Variants in UACA observed in about 807,000 individuals in gnomAD.
UACA encodes uveal autoantigen with coiled-coil domains and ankyrin repeats.
A neutral mutation model predicts 160.5 loss-of-function variants in UACA; 112 were observed. That is an observed-to-expected ratio of 0.70 (90% CI 0.60 to 0.82). The LOEUF (loss-of-function observed/expected upper bound fraction) is 0.82, where lower values mean the gene tolerates loss of function less well. UACA is among the 40% of genes least tolerant of loss of function. The probability of loss-of-function intolerance (pLI) is 0.00; values close to 1 mark genes in which losing one functional copy is unlikely to be tolerated. For synonymous variants in UACA, 557 were observed against 568.4 expected (o/e 0.98, Z 0.29); for missense variants, 1,574 against 1,614.6 (o/e 0.97, Z 0.43).
intron 7 of UACA, among the ~76,000 whole-genome samples, chr15:70,685,554 G>T (rs1897681692): frequency 2.6e-5 from 4 of 151,682 alleles, no homozygotes; most frequent in Admixed American, 2.6e-4. Context: ...ATATAAAACA[G>T]GAAAAAAAGA....
chr15:70,715,545 T>C (rs1898797783), intron 1 of UACA, among the ~76,000 whole-genome samples: 1 of 152,160 alleles, frequency 6.6e-6, no homozygotes, highest in Admixed American at 6.5e-5. Flanking sequence ...AAAATGGGAA[T>C]TATAAGGTTA....
Position 70,717,421 on chromosome 15 carries a change from A to G in UACA, c.79-17761T>C, listed in dbSNP as rs755630814. On this transcript the variant is annotated intron_variant, in intron 1 of 18. Transcript: ENST00000322954. ...GTAAGTATTTTAGACTTTGCAGGCC[A>G]TGTGGTTTCTGTTTTAACTATTCAA... is the stretch of plus-strand genomic sequence containing the variant. 1.2e-4 allele frequency among the ~76,000 whole-genome samples: 19 copies of G among 152,178 alleles called. 1 individual carries two copies. Among genetic ancestry groups the G allele is most frequent in the Non-Finnish European group, 2.6e-4 (18 of 68,042 alleles).
intron 1 of UACA, among the ~76,000 whole-genome samples, chr15:70,750,714 A>G (rs1385142183): frequency 6.6e-6 from 1 of 152,150 alleles, no homozygotes; most frequent in East Asian, 1.9e-4. Flanking sequence ...TACAAAAAAT[A>G]AACAAAATTA....
chr15:70,669,441 C>G lies in UACA; in HGVS notation c.1243G>C (p.Ala415Pro). The G allele has an allele frequency of 6.3e-7, 1 of 1,584,428 alleles. No homozygotes were observed. Residue 415 changes from alanine to proline, a missense_variant, in exon 16 of 19, where the codon GCC (alanine) becomes CCC (proline). By Grantham distance (27) the Ala-to-Pro change is conservative. Coordinates refer to ENST00000322954, the MANE Select transcript of UACA (RefSeq NM_018003.4). ...DSQCTSPGIP[A>P]HMQSRSMLRP... is the part of the protein sequence containing the mutation. ...AACATAGATCTGCTTTGCATATGGG[C>G]TGGTATACCTGGGGAAGTACACTGA... is the stretch of plus-strand genomic sequence containing the variant.
At chr15:70,763,922 G>A (rs1291532931), upstream of UACA, among the ~76,000 whole-genome samples, 1 of 152,144 alleles carries the variant, frequency 6.6e-6, no homozygotes, top group African/African-American at 2.4e-5. Context: ...CTTCCCTTCC[G>A]TCTGGTCTTA....
intron 18 of UACA, among the ~76,000 whole-genome samples, chr15:70,658,432 C>T (rs1483264679): frequency 6.6e-6 from 1 of 152,174 alleles, no homozygotes; most frequent in Non-Finnish European, 1.5e-5. Flanking sequence ...ACAATCTGTA[C>T]ACTACCATCA....
chr15:70,746,654 A>T (rs1486006297), intron 1 of UACA, among the ~76,000 whole-genome samples: 1 of 152,194 alleles, frequency 6.6e-6, no homozygotes, highest in Non-Finnish European at 1.5e-5. Context: ...AATGATTATA[A>T]ATCATTCCAC....
intron 17 of UACA, chr15:70,660,651 G>C (rs918541081): frequency 6.5e-6 from 1 of 154,532 alleles, no homozygotes; most frequent in South Asian, 2.0e-4. Context: ...ATACATGAGA[G>C]AATCCAAATT....
upstream of UACA, chr15:70,763,663 C>T (rs1487829388): frequency 1.3e-5 from 7 of 520,358 alleles, no homozygotes; most frequent in Non-Finnish European, 8.8e-6. Context: ...CGGGACTTCC[C>T]TTTTAAACTG....
In UACA at chr15:70,654,839, C is replaced by T. The variant is rs1040552971; in HGVS notation, c.*2217G>A. 1 of 152,190 alleles carries T rather than the reference C, an allele frequency of 6.6e-6. No homozygotes were observed. The allele number at this position is 152,190 out of a possible 1,614,324, so 9.4% of individuals were successfully genotyped here. On this transcript the variant is annotated 3_prime_UTR_variant, in exon 19 of 19. Coordinates refer to ENST00000322954, the MANE Select transcript of UACA (RefSeq NM_018003.4). ...CAGAATGGCAGTGGCCAGCATTGTC[C>T]ATTATCTATGTTCCGCTTGTTTACT...
intron 1 of UACA, among the ~76,000 whole-genome samples, chr15:70,699,984 G>A (rs1010612842): frequency 6.6e-6 from 1 of 151,934 alleles, no homozygotes; most frequent in Non-Finnish European, 1.5e-5. Flanking sequence ...CCTGTACCAG[G>A]CACTAAAGTC....
chr15:70,757,197 G>C (rs2030482570), intron 1 of UACA, among the ~76,000 whole-genome samples: 1 of 151,944 alleles, frequency 6.6e-6, no homozygotes, highest in African/African-American at 2.4e-5. Context: ...GAATTTTGCT[G>C]ATTGCATCCC....
At chr15:70,736,321 C>G (rs1023873633) in intron 1 of UACA, among the ~76,000 whole-genome samples, 2 of 152,084 alleles carry the variant, frequency 1.3e-5, no homozygotes, top group Admixed American at 1.3e-4. Flanking sequence ...CAAGTATTTA[C>G]GTTTATAGTC....
intron 1 of UACA, among the ~76,000 whole-genome samples, chr15:70,726,088 A>T (rs1163245224): frequency 6.6e-6 from 1 of 152,138 alleles, no homozygotes; most frequent in Non-Finnish European, 1.5e-5. Context: ...TCTCTAAGCA[A>T]GCTTCCAACA....
chr15:70,736,281 TA>T (rs1411340392), intron 1 of UACA, among the ~76,000 whole-genome samples: 1 of 152,214 alleles, frequency 6.6e-6, no homozygotes, highest in Non-Finnish European at 1.5e-5. Flanking sequence ...TTGGCACGAG[TA>T]AGTAGTTTCC....
upstream of UACA, among the ~76,000 whole-genome samples, chr15:70,763,870 C>T (rs547509226): frequency 3.0e-4 from 45 of 152,294 alleles, 1 homozygote; most frequent in African/African-American, 8.7e-4. Flanking sequence ...TCCCGGACTC[C>T]CCTCCTCTTT....
chr15:70,711,631 T>C (rs971613758), intron 1 of UACA, among the ~76,000 whole-genome samples: 1 of 152,144 alleles, frequency 6.6e-6, no homozygotes, highest in Non-Finnish European at 1.5e-5. Flanking sequence ...GTGCTAGATA[T>C]ACCAGGGGAA....
chr15:70,676,935 T>A (rs1402954845), intron 12 of UACA, among the ~76,000 whole-genome samples, 173 bp downstream of exon 12: 2 of 152,184 alleles, frequency 1.3e-5, no homozygotes, highest in Non-Finnish European at 2.9e-5. Context: ...CAATAATCTA[T>A]GCCACTACAT....
chr15:70,693,257 C>T (rs1415611715), intron 3 of UACA, among the ~76,000 whole-genome samples: 1 of 152,132 alleles, frequency 6.6e-6, no homozygotes, highest in African/African-American at 2.4e-5. Flanking sequence ...AATCTAGCCA[C>T]TTGAGATACG....
Sources: gnomAD v4.1 joint callset for allele counts (sites outside exome capture counted in the v4.1 genomes callset) on GRCh38, gnomAD v4.1.1 for gene constraint, MANE v1.5 for transcripts, NCBI Gene and HGNC (gene_info 2026-07-23, HGNC 2026-07-21) for gene names.